Variants in LGSN observed in about 807,000 individuals in gnomAD.
The protein encoded by LGSN is lengsin, lens protein with glutamine synthetase domain.
In LGSN, 21 loss-of-function variants were observed where a neutral mutation model predicts 19.5. The observed-to-expected ratio is 1.07, with a 90% confidence interval of 0.76 to 1.55. The LOEUF (loss-of-function observed/expected upper bound fraction) is 1.55, where lower values mean the gene tolerates loss of function less well. Ranked by LOEUF, LGSN falls within the 40% of genes most tolerant of loss-of-function variation. LGSN has a pLI of 0.00. For missense variants in LGSN, 673 were observed against 608.5 expected, an observed-to-expected ratio of 1.11 and a Z score of -1.12; for synonymous variants, 257 against 215.6, an observed-to-expected ratio of 1.19 and a Z score of -1.68.
chr6:63,544,159 C>T, the LGSN span, among the ~76,000 whole-genome samples: 10 of 152,034 alleles, frequency 6.6e-5, no homozygotes, highest in African/African-American at 1.4e-4. Context: ...GACAGTTGTC[C>T]GGAGGGCTTT....
chr6:63,475,770 A>G, the LGSN span, among the ~76,000 whole-genome samples: 1 of 152,214 alleles, frequency 6.6e-6, no homozygotes, highest in Non-Finnish European at 1.5e-5. Flanking sequence ...GTTGTTGCTA[A>G]AGTAAGAAAA....
At chr6:63,516,206 G>A in the LGSN span, among the ~76,000 whole-genome samples, 3 of 152,104 alleles carry the variant, frequency 2.0e-5, no homozygotes, top group East Asian at 1.9e-4. Context: ...TGTACACCAG[G>A]CAATTCTCTA....
chr6:63,457,676 A>T, the LGSN span, among the ~76,000 whole-genome samples: 1 of 152,134 alleles, frequency 6.6e-6, no homozygotes, highest in East Asian at 1.9e-4. Context: ...TCAGGAGTCC[A>T]AGACCAGCGT....
chr6:63,492,446 T>A, the LGSN span, among the ~76,000 whole-genome samples: 2 of 152,220 alleles, frequency 1.3e-5, no homozygotes, highest in African/African-American at 4.8e-5. Flanking sequence ...AATTATACAG[T>A]GACTTCACAA....
chr6:63,320,052 T>C (rs115710699), upstream of LGSN: 905 of 849,046 alleles, frequency 1.1e-3, 5 homozygotes, highest in African/African-American at 0.013. Flanking sequence ...ATGAATTCCA[T>C]AGAGGCTTTT....
Position 63,280,365 on chromosome 6 carries a change from T to C in LGSN, c.1186A>G (p.Lys396Glu). The C allele has an allele frequency of 6.2e-7, 1 of 1,614,202 alleles. No homozygotes were observed. The highest frequency in any genetic ancestry group is 1.1e-5 in the South Asian group (1 of 91,088). ...YNDNSCIFNIKCHGEKGTRIE... is the reference protein window; with the variant it reads ...YNDNSCIFNIECHGEKGTRIE... Reference sequence around the variant, plus strand: ...CGGGTGCCTTTCTCTCCATGACATTTGATATTAAATATACAGCTGTTGTCA... The same window carrying C: ...CGGGTGCCTTTCTCTCCATGACATTCGATATTAAATATACAGCTGTTGTCA... Residue 396 changes from lysine (K) to glutamate (E), a missense_variant, in exon 4 of 4, where the codon AAA becomes GAA. Lys to Glu is a moderately conservative substitution (Grantham distance 56). Coordinates refer to ENST00000370657, the MANE Select transcript of LGSN (RefSeq NM_016571.3).
chr6:63,302,762 G>A (rs990172797), intron 1 of LGSN, among the ~76,000 whole-genome samples: 2 of 152,122 alleles, frequency 1.3e-5, no homozygotes, highest in Non-Finnish European at 2.9e-5. Context: ...ATTCATTGTC[G>A]AGTGTGGACT....
chr6:63,420,334 G>T, the LGSN span, among the ~76,000 whole-genome samples: 1 of 152,168 alleles, frequency 6.6e-6, no homozygotes, highest in Non-Finnish European at 1.5e-5. Flanking sequence ...TCTCTGTGCT[G>T]ATCCAGCTGG....
Position 63,275,986 on chromosome 6 carries a change from C to T in LGSN, c.*4035G>A, listed in dbSNP as rs1412263382. ...CTGTACCTTTTATTCTGAGAATTCACATCCTAATTAGCAATTAGGAAGTAT... is the reference window on the plus strand; with the variant it reads ...CTGTACCTTTTATTCTGAGAATTCATATCCTAATTAGCAATTAGGAAGTAT... On this transcript the variant is annotated 3_prime_UTR_variant, in exon 4 of 4. Coordinates refer to ENST00000370657, the MANE Select transcript of LGSN (RefSeq NM_016571.3). 6.6e-6 allele frequency: 1 copy of T among 152,198 alleles called. No homozygotes were observed. The highest frequency in any genetic ancestry group is 1.5e-5 in the Non-Finnish European group (1 of 68,038). 9.4% of individuals were successfully genotyped at this position (152,198 alleles called of 1,614,324 possible).
At chr6:63,327,764 T>G in the LGSN span, among the ~76,000 whole-genome samples, 1 of 152,160 alleles carries the variant, frequency 6.6e-6, no homozygotes, top group African/African-American at 2.4e-5. Flanking sequence ...TCTCTTCAAC[T>G]TCTCCTTTAT....
chr6:63,548,853 A>G, the LGSN span: 14 of 761,968 alleles, frequency 1.8e-5, no homozygotes, highest in Admixed American at 8.6e-5. Flanking sequence ...GATAGCTCCC[A>G]CTAGCTTAGC....
chr6:63,477,458 C>G, the LGSN span, among the ~76,000 whole-genome samples: 1 of 151,924 alleles, frequency 6.6e-6, no homozygotes, highest in Admixed American at 6.6e-5. Context: ...CTTCTTTTCT[C>G]GTGGCTAATA....
chr6:63,348,954 T>C, the LGSN span, among the ~76,000 whole-genome samples: 1 of 152,090 alleles, frequency 6.6e-6, no homozygotes, highest in South Asian at 2.1e-4. Context: ...TAATGCAAAG[T>C]TCTTTGGAAG....
the LGSN span, among the ~76,000 whole-genome samples, chr6:63,465,337 C>T: frequency 6.6e-6 from 1 of 151,912 alleles, no homozygotes; most frequent in African/African-American, 2.4e-5. Flanking sequence ...CCCACCACCA[C>T]ACCCAGCTAA....
the LGSN span, among the ~76,000 whole-genome samples, chr6:63,415,929 G>A: frequency 6.6e-6 from 1 of 152,162 alleles, no homozygotes; most frequent in Non-Finnish European, 1.5e-5. Flanking sequence ...CATGGAGAAT[G>A]CATGCATTGG....
chr6:63,520,401 CG>C, the LGSN span, among the ~76,000 whole-genome samples: 1 of 151,830 alleles, frequency 6.6e-6, no homozygotes, highest in South Asian at 2.1e-4. Context: ...CTGAGGCGGG[CG>C]GATCACTTGA....
At chr6:63,543,731 T>A in the LGSN span, among the ~76,000 whole-genome samples, 2 of 152,206 alleles carry the variant, frequency 1.3e-5, no homozygotes, top group African/African-American at 4.8e-5. Context: ...GGGCAAATCA[T>A]GTAATGCCTC....
chr6:63,354,213 C>A, the LGSN span, among the ~76,000 whole-genome samples: 76 of 152,172 alleles, frequency 5.0e-4, no homozygotes, highest in Non-Finnish European at 9.0e-4. Flanking sequence ...ACACAGCCTG[C>A]TGAATGGGAG....
chr6:63,372,795 A>C, the LGSN span, among the ~76,000 whole-genome samples: 1 of 152,188 alleles, frequency 6.6e-6, no homozygotes, highest in Non-Finnish European at 1.5e-5. Flanking sequence ...GAAAAAAACA[A>C]ACCATGACAA....
Sources: gnomAD v4.1 joint callset for allele counts (sites outside exome capture counted in the v4.1 genomes callset) on GRCh38, gnomAD v4.1.1 for gene constraint, MANE v1.5 for transcripts, NCBI Gene and HGNC (gene_info 2026-07-23, HGNC 2026-07-21) for gene names.